EMP2: variants seen among roughly 807,000 people sequenced by gnomAD.
EMP2 encodes the protein epithelial membrane protein 2.
Under a neutral mutation model 13.7 loss-of-function variants are expected in EMP2, and 19 were observed. The ratio of observed to expected loss-of-function variants is 1.38; its 90% CI spans 0.97 to 2.03. The LOEUF (loss-of-function observed/expected upper bound fraction) is 2.03, where lower values mean the gene tolerates loss of function less well. Ranked by LOEUF, EMP2 falls within the 30% of genes most tolerant of loss-of-function variation. The pLI is 0.00. For missense variants in EMP2, 253 were observed against 220.7 expected (o/e 1.15, Z -0.93); for synonymous variants, 97 against 84.7 (o/e 1.15, Z -0.80).
Position 10,537,991 on chromosome 16 carries a change from G to A in EMP2, c.253C>T (p.Gln85Ter). 1 of 1,614,134 alleles carries A rather than the reference G, an allele frequency of 6.2e-7. No homozygotes were observed. The highest frequency in any genetic ancestry group is 8.5e-7 in the Non-Finnish European group (1 of 1,180,026). The change falls in exon 4 of 5, where the codon CAG becomes TAG. Residue 85 changes from glutamine (Q) to a stop codon, truncating the protein, a stop_gained. Transcript: ENST00000359543. LOFTEE classifies it high-confidence loss of function. ...TCTCCCTGCTTCAGGCGGAAGAGCTGGAGCACGAAGATGAAGAAGGCGATG... is the reference window on the plus strand; with the variant it reads ...TCTCCCTGCTTCAGGCGGAAGAGCTAGAGCACGAAGATGAAGAAGGCGATG... Reference protein sequence around the residue: ...CCIAFFIFVLQLFRLKQGERF... With the variant: ...CCIAFFIFVL
chr16:10,544,699 G>C (rs1175767637), intron 2 of EMP2: 1 of 152,878 alleles, frequency 6.5e-6, no homozygotes, highest in African/African-American at 2.4e-5. Flanking sequence ...TTTGAGACCA[G>C]CCGGGGCAAC....
intron 1 of EMP2, among the ~76,000 whole-genome samples, chr16:10,579,364 A>C (rs528174582): frequency 9.2e-5 from 14 of 152,310 alleles, no homozygotes; most frequent in Admixed American, 7.2e-4. Context: ...CTTTTAAAAA[A>C]TTTTTATGAT....
At chr16:10,539,750 C>T (rs2050679930) in intron 3 of EMP2, among the ~76,000 whole-genome samples, 1 of 152,092 alleles carries the variant, frequency 6.6e-6, no homozygotes, top group East Asian at 1.9e-4. Flanking sequence ...ACCCAGCAGG[C>T]TCTACTGAGA....
At chr16:10,560,714 G>T (rs1380530526) in intron 1 of EMP2, among the ~76,000 whole-genome samples, 1 of 152,206 alleles carries the variant, frequency 6.6e-6, no homozygotes, top group African/African-American at 2.4e-5. Flanking sequence ...AGCATCAGAA[G>T]CTTCATGGAA....
At chr16:10,548,209 C>G (rs543105004) in intron 1 of EMP2, among the ~76,000 whole-genome samples, 1 of 152,254 alleles carries the variant, frequency 6.6e-6, no homozygotes, top group African/African-American at 2.4e-5. Context: ...CCATTAGAAT[C>G]CCTAATTGAG....
At chr16:10,544,847 T>C (rs2142179749) in intron 2 of EMP2, 1 of 152,364 alleles carries the variant, frequency 6.6e-6, no homozygotes, top group African/African-American at 2.4e-5. Flanking sequence ...ATCGCAACAC[T>C]ACACTCCAGC....
intron 1 of EMP2, among the ~76,000 whole-genome samples, chr16:10,548,523 T>A (rs924817128): frequency 1.3e-5 from 2 of 151,958 alleles, no homozygotes; most frequent in Admixed American, 1.3e-4. Context: ...CAAAACTCCA[T>A]CTCTACAAAA....
intron 1 of EMP2, among the ~76,000 whole-genome samples, chr16:10,560,507 C>T (rs2050863593): frequency 6.6e-6 from 1 of 152,208 alleles, no homozygotes; most frequent in African/African-American, 2.4e-5. Context: ...ATCACTGTCC[C>T]CTTGCCCGTT....
chr16:10,537,633 T>G (rs1294193123), intron 4 of EMP2, among the ~76,000 whole-genome samples: 1 of 152,050 alleles, frequency 6.6e-6, no homozygotes, highest in Non-Finnish European at 1.5e-5. Context: ...CACAACACTG[T>G]CGACAGCGAC....
intron 1 of EMP2, among the ~76,000 whole-genome samples, chr16:10,564,641 G>T (rs1378750848): frequency 1.3e-5 from 2 of 151,838 alleles, no homozygotes; most frequent in Non-Finnish European, 2.9e-5. Flanking sequence ...TCATAGAATA[G>T]ATACCCCCAG....
chr16:10,531,329 C>CTTTTCTTTT lies in EMP2; in HGVS notation c.*1567_*1575dup, dbSNP rs2050600292. On this transcript the variant is annotated 3_prime_UTR_variant, in exon 5 of 5. Coordinates refer to ENST00000359543, the MANE Select transcript of EMP2 (RefSeq NM_001424.6). ...CTCCATCACAGTGTGTAATTAGTTT[C>CTTTTCTTTT]TTTTCTTTTTTTTCTTTTTTTGAGA... 6.5e-6 allele frequency: 1 copy of CTTTTCTTTT among 152,684 alleles called. No homozygotes were observed. Among genetic ancestry groups the CTTTTCTTTT allele is most frequent in the Non-Finnish European group, 1.5e-5 (1 of 68,906 alleles). 9.5% of individuals were successfully genotyped at this position (152,684 alleles called of 1,614,324 possible).
chr16:10,573,765 A>G (rs906987329), intron 1 of EMP2, among the ~76,000 whole-genome samples: 4 of 152,216 alleles, frequency 2.6e-5, no homozygotes, highest in African/African-American at 9.7e-5. Context: ...CTCCTTCCAG[A>G]CATTGTTCCT....
At chr16:10,553,623 C>A (rs1240799556) in intron 1 of EMP2, among the ~76,000 whole-genome samples, 2 of 152,110 alleles carry the variant, frequency 1.3e-5, no homozygotes, top group Non-Finnish European at 2.9e-5. Context: ...AAGTCTAAGC[C>A]GCATCCTCCA....
intron 1 of EMP2, among the ~76,000 whole-genome samples, chr16:10,568,667 C>T (rs1484414011): frequency 2.0e-5 from 3 of 152,086 alleles, no homozygotes; most frequent in East Asian, 1.9e-4. Context: ...ACAGTTCCTC[C>T]GACAGAGACC....
At chr16:10,566,789 CTTTGCAGGCACTGTGGG>C (rs2050909614) in intron 1 of EMP2, among the ~76,000 whole-genome samples, 1 of 152,134 alleles carries the variant, frequency 6.6e-6, no homozygotes, top group South Asian at 2.1e-4. Context: ...ATGCGAGGCT[CTTTGCAGGCACTGTGGG>C]AGGACAGAAA....
At chr16:10,564,263 G>A (rs995626581) in intron 1 of EMP2, among the ~76,000 whole-genome samples, 1 of 152,110 alleles carries the variant, frequency 6.6e-6, no homozygotes, top group South Asian at 2.1e-4. Flanking sequence ...GGTCGAGGTG[G>A]GTGGATCACC....
At chr16:10,557,977 C>T (rs986309644) in intron 1 of EMP2, among the ~76,000 whole-genome samples, 1 of 149,540 alleles carries the variant, frequency 6.7e-6, no homozygotes, top group African/African-American at 2.5e-5. Flanking sequence ...CTGTGGGTGG[C>T]GTTATGGAAA....
intron 1 of EMP2, among the ~76,000 whole-genome samples, chr16:10,563,564 G>A (rs550783633): frequency 1.2e-3 from 187 of 152,288 alleles, no homozygotes; most frequent in Non-Finnish European, 2.2e-3. Flanking sequence ...GTTAAAGACT[G>A]TACATCACTG....
Position 10,529,080 on chromosome 16 carries a change from C to T in EMP2, c.*3825G>A, listed in dbSNP as rs547351128. On this transcript the variant is annotated 3_prime_UTR_variant, in exon 5 of 5. Coordinates refer to ENST00000359543, the MANE Select transcript of EMP2 (RefSeq NM_001424.6). ...CAAGCATTCTCCAAACTCATTTGAA[C>T]AGAGACCCAAAATAATTTTAATGCA... The T allele has an allele frequency of 6.6e-6, 1 of 152,284 alleles. No individual in the cohort carries two copies. The highest frequency in any genetic ancestry group is 2.4e-5 in the African/African-American group (1 of 41,560). 9.4% of individuals were successfully genotyped at this position (152,284 alleles called of 1,614,324 possible). A position where few individuals can be genotyped will look rare whatever the true frequency, so the allele number is the denominator to read the frequency against.
Sources: allele counts gnomAD v4.1 joint callset (sites outside exome capture counted in the v4.1 genomes callset), GRCh38; gene constraint gnomAD v4.1.1; transcripts MANE v1.5; gene names NCBI Gene and HGNC (gene_info 2026-07-23, HGNC 2026-07-21).